Variants in RAPGEF2 observed in about 807,000 individuals in gnomAD.
RAPGEF2 encodes PDZ domain containing guanine nucleotide exchange factor (GEF) 1.
Under a neutral mutation model 186.7 loss-of-function variants are expected in RAPGEF2, and 54 were observed. The observed-to-expected ratio is 0.29, with a 90% CI of 0.23 to 0.36. RAPGEF2 has a LOEUF of 0.36. Among genes scored for constraint, RAPGEF2 ranks in the 10% least tolerant of loss-of-function variants. The pLI is 1.00. For missense variants in RAPGEF2, 1,532 were observed against 2,045.0 expected (o/e 0.75, Z 4.84); for synonymous variants, 712 against 705.9 (o/e 1.01, Z -0.14).
At chr4:159,354,664 AGTGCCTG>A in intron 28 of RAPGEF2, among the ~76,000 whole-genome samples, 1 of 152,226 alleles carries the variant, frequency 6.6e-6, no homozygotes, top group Admixed American at 6.5e-5. Flanking sequence ...AATACAAAAC[AGTGCCTG>A]TTTCCTCATC....
At chr4:159,130,707 GTTTTA>G (rs1196918721) in intron 1 of RAPGEF2, among the ~76,000 whole-genome samples, 5 of 152,212 alleles carry the variant, frequency 3.3e-5, no homozygotes, top group Middle Eastern at 3.4e-3. Context: ...ATCTATTATT[GTTTTA>G]TTTTATTTTA....
At chr4:159,242,250 T>G (rs528333034) in intron 6 of RAPGEF2, among the ~76,000 whole-genome samples, 1 of 151,760 alleles carries the variant, frequency 6.6e-6, no homozygotes, top group East Asian at 1.9e-4. Flanking sequence ...TACCATTAAA[T>G]GAGTGGTTAT....
In RAPGEF2 at chr4:159,356,110, C is replaced by T. The variant is rs765743268; in HGVS notation, c.4909C>T (p.Pro1637Ser). Residue 1637 changes from proline (P) to serine (S), a missense_variant, in exon 29 of 30, where the codon CCG becomes TCG. By Grantham distance (74) the Pro-to-Ser change is moderately conservative. Around this residue, in one of 4 missense-constraint regions of RAPGEF2, gnomAD observed 594 missense variants for 608.5 expected, o/e 0.98. Transcript: ENST00000691494. ...GTGGCATAAACCGAACGAGTCTGAC[C>T]CGCGCCTCGCCCCCTATCAGTCCCA... ...PQWHKPNESD[P>S]RLAPYQSQGF... The T allele has an allele frequency of 1.9e-6, 3 of 1,614,174 alleles. No homozygotes were observed. In the South Asian group the frequency reaches 3.3e-5, roughly 18 times the overall value.
At chr4:159,191,963 T>TAA (rs1198449061) in intron 2 of RAPGEF2, among the ~76,000 whole-genome samples, 2 of 152,114 alleles carry the variant, frequency 1.3e-5, no homozygotes, top group Non-Finnish European at 2.9e-5. Flanking sequence ...CACGGGGTCT[T>TAA]ACACAGGAGT....
At chr4:159,221,767 C>G (rs183727030) in intron 4 of RAPGEF2, among the ~76,000 whole-genome samples, 3 of 152,262 alleles carry the variant, frequency 2.0e-5, no homozygotes, top group East Asian at 1.9e-4. Flanking sequence ...AAAGTTGACT[C>G]AAGTCCTGGT....
intron 20 of RAPGEF2, 91 bp downstream of exon 20, chr4:159,342,038 G>A: frequency 7.9e-7 from 1 of 1,259,338 alleles, no homozygotes; most frequent in Non-Finnish European, 1.1e-6. Flanking sequence ...TAGTATAAAT[G>A]CTATAGGTTT....
intron 23 of RAPGEF2, 144 bp from the exon 24 acceptor site, chr4:159,344,962 A>T: frequency 1.6e-6 from 1 of 640,388 alleles, no homozygotes; most frequent in Admixed American, 2.9e-5. Context: ...GTATTATTCT[A>T]TATTCCTGTG....
At chr4:159,284,939 G>A (rs181587793) in intron 7 of RAPGEF2, among the ~76,000 whole-genome samples, 2 of 152,274 alleles carry the variant, frequency 1.3e-5, no homozygotes, top group African/African-American at 4.8e-5. Context: ...TGTGGTTCCA[G>A]CTACTTGAGA....
At chr4:159,312,825 A>G (rs1764107110) in intron 8 of RAPGEF2, among the ~76,000 whole-genome samples, 1 of 152,214 alleles carries the variant, frequency 6.6e-6, no homozygotes, top group African/African-American at 2.4e-5. Context: ...ATGAACCGGG[A>G]CTTTACAAAG....
intron 3 of RAPGEF2, among the ~76,000 whole-genome samples, chr4:159,197,608 G>A (rs4691546): frequency 0.99 from 150,535 of 152,328 alleles, 74,410 homozygotes; most frequent in East Asian, 1. Flanking sequence ...ATTGAGGCCT[G>A]TTGGGTCTTT....
intron 4 of RAPGEF2, among the ~76,000 whole-genome samples, chr4:159,219,067 G>T (rs932610284): frequency 1.3e-5 from 2 of 152,100 alleles, no homozygotes; most frequent in African/African-American, 4.8e-5. Context: ...ATATACACAT[G>T]TGCATAAATA....
At chr4:159,237,209 C>T (rs1471965316) in intron 4 of RAPGEF2, among the ~76,000 whole-genome samples, 1 of 151,860 alleles carries the variant, frequency 6.6e-6, no homozygotes, top group Non-Finnish European at 1.5e-5. Flanking sequence ...TTAGTAGAGA[C>T]GGGGTTTCAC....
rs561658094 is a variant in RAPGEF2, at chr4:159,253,042, C to G, written c.543+9251C>G. ...TATTGGTCTAATAGACAGTTGGGTT[C>G]TCACATCTGTATTCAATCTGTTGTG... On this transcript the variant is annotated intron_variant, in intron 7 of 29. Transcript: ENST00000691494. Among the ~76,000 whole-genome samples, 3 of 152,278 alleles carry G rather than the reference C, an allele frequency of 2.0e-5. No homozygotes were observed. The South Asian group carries it at 6.2e-4, about 32-fold the overall frequency.
At chr4:159,313,285 C>T (rs532354623) in intron 8 of RAPGEF2, among the ~76,000 whole-genome samples, 5 of 152,266 alleles carry the variant, frequency 3.3e-5, no homozygotes, top group South Asian at 4.1e-4. Flanking sequence ...GATTAGATTG[C>T]GATTAAGACT....
rs890091004 is a variant in RAPGEF2 at position 159,353,119 on chromosome 4, T to C, written c.4091+209T>C. On this transcript the variant is annotated intron_variant, in intron 27 of 29. Coordinates refer to ENST00000691494, the MANE Select transcript of RAPGEF2 (RefSeq NM_001394067.2). This position sits in a 1 kb window ranked among gnomAD's most constrained non-coding sequence, Gnocchi z 4.3. ...CTTTTTTAGTTAAGTTTATTCTTCA[T>C]TGGAACACAGTTGTTCTGTGCTGAA... Among the ~76,000 whole-genome samples, 5 of 152,240 alleles carry C rather than the reference T, an allele frequency of 3.3e-5. No individual in the cohort carries two copies. Among genetic ancestry groups the C allele is most frequent in the Non-Finnish European group, 5.9e-5 (4 of 68,042 alleles).
chr4:159,107,265 G>A (rs1737985065), intron 1 of RAPGEF2, among the ~76,000 whole-genome samples: 1 of 152,128 alleles, frequency 6.6e-6, no homozygotes, highest in Non-Finnish European at 1.5e-5. Context: ...AACCATTTGG[G>A]TTTATGTCTT....
At chr4:159,134,117 G>C (rs1318031671) in intron 1 of RAPGEF2, among the ~76,000 whole-genome samples, 1 of 152,178 alleles carries the variant, frequency 6.6e-6, no homozygotes, top group Non-Finnish European at 1.5e-5. Context: ...TTGTGCCTTT[G>C]TGCCTTTTTG....
At chr4:159,220,815 A>G (rs1005402988) in intron 4 of RAPGEF2, among the ~76,000 whole-genome samples, 1 of 152,170 alleles carries the variant, frequency 6.6e-6, no homozygotes, top group African/African-American at 2.4e-5. Context: ...CATTTAATAA[A>G]TGTTTGCTAA....
intron 7 of RAPGEF2, among the ~76,000 whole-genome samples, chr4:159,296,385 A>G (rs1762030224): frequency 6.6e-6 from 1 of 152,198 alleles, no homozygotes; most frequent in Non-Finnish European, 1.5e-5. Flanking sequence ...TGATTTTGAA[A>G]TTTGTATTTC....
Sources: allele counts gnomAD v4.1 joint callset (sites outside exome capture counted in the v4.1 genomes callset), GRCh38; gene constraint gnomAD v4.1.1; regional missense constraint gnomAD v4.1.1; non-coding constraint Gnocchi (gnomAD v3.1); transcripts MANE v1.5; gene names NCBI Gene and HGNC (gene_info 2026-07-23, HGNC 2026-07-21).